The following MID1 variants were observed in gnomAD, a reference collection of about 807,000 sequenced individuals.
MID1 encodes the protein midline 1.
A neutral mutation model predicts 40.4 loss-of-function variants in MID1; 7 were observed. The observed-to-expected ratio is 0.17, with a 90% CI of 0.10 to 0.33. The LOEUF is 0.33. Ranked by LOEUF, MID1 falls within the 10% of genes least tolerant of loss-of-function variation. MID1 has a pLI of 1.00. For synonymous variants in MID1, 229 were observed against 221.2 expected (o/e 1.04, Z -0.31); for missense variants, 367 against 558.5 (o/e 0.66, Z 3.46).
At chrX:10,643,532 T>C (rs1245273586) in intron 1 of MID1, among the ~76,000 whole-genome samples, 3 of 111,839 alleles carry the variant, frequency 2.7e-5, no homozygotes, top group Non-Finnish European at 5.6e-5. Context: ...CTGGAGAGCA[T>C]GTGGAGAAAT....
At chrX:10,531,756 G>A (rs1336874223) in intron 2 of MID1, among the ~76,000 whole-genome samples, 5 of 111,961 alleles carry the variant, frequency 4.5e-5, no homozygotes, top group African/African-American at 6.5e-5. Flanking sequence ...TATTCATTTA[G>A]TTATAATTTT....
At chrX:10,520,469 T>C (rs748562306) in intron 3 of MID1, among the ~76,000 whole-genome samples, 1 of 112,543 alleles carries the variant, frequency 8.9e-6, no homozygotes, top group South Asian at 3.7e-4. Flanking sequence ...TAACATATTG[T>C]AATCTTTATT....
chrX:10,678,755 A>C lies in MID1; in HGVS notation c.-186-58336T>G, dbSNP rs189158734. 8.6e-4 allele frequency among the ~76,000 whole-genome samples: 97 copies of C among 112,249 alleles called. No individual in the cohort carries two copies. In the Admixed American group the frequency reaches 9.1e-3, roughly 11 times the overall value. ...GTTATGAAACAAAAGGAGACATATA[A>C]TTAGTCTTTAAATGCATGGAAAGGT... On this transcript the variant is annotated intron_variant, in intron 1 of 10. Coordinates refer to the MID1 transcript ENST00000380785.
intron 3 of MID1, among the ~76,000 whole-genome samples, chrX:10,503,761 T>A (rs1422707036): frequency 1.8e-5 from 2 of 112,081 alleles, no homozygotes; most frequent in Non-Finnish European, 3.8e-5. Context: ...AGGAACCTCA[T>A]GATAAATCCT....
At chrX:10,469,436 C>T in intron 7 of MID1, 1 of 1,085,221 alleles carries the variant, frequency 9.2e-7, no homozygotes, top group Non-Finnish European at 1.2e-6. Flanking sequence ...ATTTGTTTCT[C>T]TCTATATATT....
At chrX:10,560,358 GAAATTC>G (rs1402944794) in intron 2 of MID1, among the ~76,000 whole-genome samples, 1 of 111,444 alleles carries the variant, frequency 9.0e-6, no homozygotes, top group African/African-American at 3.3e-5. Context: ...CACAGTATTG[GAAATTC>G]TGGCCAGGGC....
intron 1 of MID1, among the ~76,000 whole-genome samples, chrX:10,661,407 G>A (rs1165212933): frequency 9.2e-6 from 1 of 108,829 alleles, no homozygotes; most frequent in African/African-American, 3.4e-5. Flanking sequence ...CTACCTTCTG[G>A]GTTCACACCA....
intron 2 of MID1, among the ~76,000 whole-genome samples, chrX:10,536,916 C>T (rs1933279453): frequency 8.9e-6 from 1 of 111,743 alleles, no homozygotes. Context: ...TCAGTCTCTA[C>T]TGCGGAACAG....
intron 1 of MID1, among the ~76,000 whole-genome samples, chrX:10,648,327 G>A (rs1936282516): frequency 9.0e-6 from 1 of 111,599 alleles, no homozygotes; most frequent in Non-Finnish European, 1.9e-5. Context: ...GTCTCTCTCT[G>A]TGTGCGTGTG....
In MID1 at chrX:10,516,693, G is replaced by A. The variant is rs146867234; in HGVS notation, c.756+6399C>T. 1.1e-3 allele frequency among the ~76,000 whole-genome samples: 118 copies of A among 109,578 alleles called. 1 individual carries two copies. In the East Asian group the frequency reaches 0.023, roughly 22 times the overall value. ...GAGCAGTTGCACTCCATGGGTCACT[G>A]TAGCCTCGACCTCCCAGGCTCAAGC... is the stretch of plus-strand genomic sequence containing the variant. On this transcript the variant is annotated intron_variant, in intron 3 of 9. Transcript: ENST00000317552.
chrX:10,588,350 C>T (rs973837936), intron 1 of MID1, among the ~76,000 whole-genome samples: 16 of 110,878 alleles, frequency 1.4e-4, no homozygotes, highest in South Asian at 7.7e-4. Flanking sequence ...AAGCAGCTGC[C>T]GCTACAGATT....
intron 1 of MID1, among the ~76,000 whole-genome samples, chrX:10,748,907 T>C (rs1401885646): frequency 9.0e-6 from 1 of 111,417 alleles, no homozygotes; most frequent in African/African-American, 3.3e-5. Flanking sequence ...TAGTCTTTGG[T>C]ACTGCTATTT....
intron 1 of MID1, among the ~76,000 whole-genome samples, chrX:10,806,471 G>A (rs919976225): frequency 8.9e-6 from 1 of 112,110 alleles, no homozygotes; most frequent in Non-Finnish European, 1.9e-5. Context: ...TCAATTCTCT[G>A]AAGGATCTAA....
intron 1 of MID1, among the ~76,000 whole-genome samples, chrX:10,653,634 G>C (rs895581276): frequency 1.8e-5 from 2 of 112,680 alleles, no homozygotes; most frequent in African/African-American, 6.4e-5. Flanking sequence ...GGAAAACATT[G>C]CTTTTCTAAT....
At chrX:10,782,576 T>G (rs1252349890) in intron 1 of MID1, among the ~76,000 whole-genome samples, 1 of 111,667 alleles carries the variant, frequency 9.0e-6, no homozygotes, top group Non-Finnish European at 1.9e-5. Flanking sequence ...ATGATGGAGA[T>G]ACATAGAGAA....
Position 10,651,107 on chromosome X carries a change from C to T in MID1, c.-186-30688G>A, listed in dbSNP as rs1178718193. Among the ~76,000 whole-genome samples, 8 of 111,991 alleles carry T rather than the reference C, an allele frequency of 7.1e-5. No individual in the cohort carries two copies. In the East Asian group the frequency reaches 1.1e-3, roughly 16 times the overall value. On this transcript the variant is annotated intron_variant, in intron 1 of 10. Transcript: ENST00000380785. ...GCAGTTCTGCTCAGCTGGCTCTTTTCGCAGATCTTGGCTTCTTTCACCTAC... is the reference window on the plus strand; with the variant it reads ...GCAGTTCTGCTCAGCTGGCTCTTTTTGCAGATCTTGGCTTCTTTCACCTAC...
At chrX:10,755,508 A>G (rs1468152458) in intron 1 of MID1, among the ~76,000 whole-genome samples, 2 of 111,740 alleles carry the variant, frequency 1.8e-5, no homozygotes, top group African/African-American at 6.5e-5. Context: ...AAAAGAACAG[A>G]TTTACCCCCT....
Position 10,482,757 on chromosome X carries a change from A to C in MID1, c.865-129T>G, listed in dbSNP as rs773141461. Reference sequence around the variant, plus strand: ...AAGTTCAAAAAGTAGGCATAGAGATATATCAAAATATGGAAAGCTCCGTTA... The same window carrying C: ...AAGTTCAAAAAGTAGGCATAGAGATCTATCAAAATATGGAAAGCTCCGTTA... On this transcript the variant is annotated intron_variant, in intron 4 of 9. Transcript: ENST00000317552. 246 of 658,419 alleles carry C rather than the reference A, an allele frequency of 3.7e-4. 3 individuals carry two copies. Among genetic ancestry groups the C allele is most frequent in the Middle Eastern group, 1.6e-3 (5 of 3,096 alleles). The allele number at this position is 658,419 out of a possible 1,213,427, so 54.3% of individuals were successfully genotyped here.
intron 1 of MID1, among the ~76,000 whole-genome samples, chrX:10,618,948 T>G (rs753906867): frequency 4.5e-5 from 5 of 112,148 alleles, no homozygotes; most frequent in Non-Finnish European, 1.9e-5. Flanking sequence ...CATCCCACTT[T>G]AGTAGACATT....
Sources: allele counts gnomAD v4.1 joint callset (sites outside exome capture counted in the v4.1 genomes callset), GRCh38; gene constraint gnomAD v4.1.1; transcripts MANE v1.5; gene names NCBI Gene and HGNC (gene_info 2026-07-23, HGNC 2026-07-21).